TMEM67: variants seen among roughly 807,000 people sequenced by gnomAD.
TMEM67 encodes transmembrane protein 67.
In TMEM67, 124 loss-of-function variants were observed where a neutral mutation model predicts 136.6. The ratio of observed to expected loss-of-function variants is 0.91; its 90% CI spans 0.78 to 1.05. The LOEUF is 1.05. TMEM67 is among the 50% of genes least tolerant of loss of function. The pLI is 0.00. For missense variants in TMEM67, 1,107 were observed against 1,178.4 expected, an observed-to-expected ratio of 0.94 and a Z score of 0.89; for synonymous variants, 364 against 390.5, an observed-to-expected ratio of 0.93 and a Z score of 0.80.
At chr8:93,779,078 TGTC>T (rs1385918821) in intron 7 of TMEM67, among the ~76,000 whole-genome samples, 8 of 152,228 alleles carry the variant, frequency 5.3e-5, no homozygotes, top group African/African-American at 1.9e-4. Context: ...TCTCTAACCT[TGTC>T]GTCTCGCTTT....
At chr8:93,788,709 C>T (rs1814235095) in intron 14 of TMEM67, among the ~76,000 whole-genome samples, 1 of 152,176 alleles carries the variant, frequency 6.6e-6, no homozygotes, top group South Asian at 2.1e-4. Context: ...TGATTATCAG[C>T]TTTATAACTA....
At chr8:93,774,366 C>A (rs753990713) in intron 7 of TMEM67, among the ~76,000 whole-genome samples, 1 of 152,068 alleles carries the variant, frequency 6.6e-6, no homozygotes. Flanking sequence ...TTATTTATTT[C>A]TTTTTTGTAT....
At chr8:93,827,216 C>A in the TMEM67 span, among the ~76,000 whole-genome samples, 1 of 152,116 alleles carries the variant, frequency 6.6e-6, no homozygotes. Context: ...TAAACTGAGA[C>A]AACATATACG....
At chr8:93,796,237 A>G (rs1432310216) in intron 18 of TMEM67, among the ~76,000 whole-genome samples, 1 of 152,224 alleles carries the variant, frequency 6.6e-6, no homozygotes, top group African/African-American at 2.4e-5. Context: ...ATATTTCAGT[A>G]TATAACTTTC....
At chr8:93,801,671 G>A (rs1814878068) in intron 21 of TMEM67, among the ~76,000 whole-genome samples, 1 of 152,146 alleles carries the variant, frequency 6.6e-6, no homozygotes, top group Non-Finnish European at 1.5e-5. Flanking sequence ...CAAAGTGCCA[G>A]GGTTGCACGT....
the TMEM67 span, among the ~76,000 whole-genome samples, chr8:93,824,462 C>T: frequency 6.6e-6 from 1 of 152,174 alleles, no homozygotes; most frequent in African/African-American, 2.4e-5. Flanking sequence ...GTCCTGTTCT[C>T]TAAAGAAAAT....
At chr8:93,813,804 A>G (rs1808793709) in intron 26 of TMEM67, among the ~76,000 whole-genome samples, 1 of 152,226 alleles carries the variant, frequency 6.6e-6, no homozygotes, top group African/African-American at 2.4e-5. Flanking sequence ...GAAGCACACA[A>G]TAAATTGAGG....
chr8:93,765,414 G>A lies in TMEM67; in HGVS notation c.515G>A (p.Arg172Gln), dbSNP rs750950408. ...VVNALGDRCV[R>Q]CEPTFVNTSR... ...TTTGTTATATTGAACAGGTGCGTCC[G>A]ATGTGAGCCAACATTTGTTAATACC... Residue 172 changes from arginine (R) to glutamine (Q), a missense_variant, in exon 5 of 28, where the codon CGA (arginine) becomes CAA (glutamine). Physicochemically the swap from Arg to Gln is conservative, Grantham distance 43. This residue lies in a region of TMEM67 where 925 missense variants were observed against 1,002.4 expected (regional missense o/e 0.92). Transcript: ENST00000453321. The A allele has an allele frequency of 3.0e-5, 48 of 1,611,146 alleles. No homozygotes were observed. Among genetic ancestry groups the A allele is most frequent in the Admixed American group, 6.7e-5 (4 of 59,980 alleles).
intron 4 of TMEM67, 73 bp from the exon 5 acceptor site, chr8:93,765,333 G>A (rs954346323): frequency 1.8e-5 from 22 of 1,244,006 alleles, no homozygotes; most frequent in African/African-American, 9.0e-5. Flanking sequence ...CCATTGTTTA[G>A]AAAGACAGCT....
At chr8:93,773,830 A>G (rs1203808509) in intron 7 of TMEM67, among the ~76,000 whole-genome samples, 5 of 152,130 alleles carry the variant, frequency 3.3e-5, no homozygotes, top group Non-Finnish European at 7.4e-5. Context: ...AGGTTTTTTA[A>G]TGTCATGCTA....
intron 3 of TMEM67, chr8:93,760,069 A>G: frequency 9.1e-7 from 1 of 1,098,436 alleles, no homozygotes; most frequent in Non-Finnish European, 1.2e-6. Flanking sequence ...GGAAGATTAA[A>G]TATTAGAAAG....
intron 6 of TMEM67, among the ~76,000 whole-genome samples, chr8:93,765,927 G>A (rs2130588535): frequency 6.6e-6 from 1 of 152,158 alleles, no homozygotes; most frequent in East Asian, 1.9e-4. Flanking sequence ...ACATTTAAGG[G>A]CACCAGAAAC....
chr8:93,818,231 A>G (rs13261756), downstream of TMEM67, among the ~76,000 whole-genome samples: 4 of 152,198 alleles, frequency 2.6e-5, no homozygotes, highest in African/African-American at 7.2e-5. Context: ...CCCAATCACT[A>G]TACTTTGACT....
intron 4 of TMEM67, among the ~76,000 whole-genome samples, chr8:93,764,702 A>G (rs1052017762): frequency 2.6e-5 from 4 of 152,154 alleles, no homozygotes; most frequent in African/African-American, 9.7e-5. Flanking sequence ...GTGTTGGATC[A>G]TCTTTTCTCT....
At chr8:93,806,738 T>A (rs1016790474) in intron 23 of TMEM67, among the ~76,000 whole-genome samples, 10 of 152,166 alleles carry the variant, frequency 6.6e-5, no homozygotes, top group Admixed American at 6.5e-4. Context: ...AGAAATTACC[T>A]TGTGATTAAA....
At chr8:93,791,148 A>C (rs1459905204) in intron 14 of TMEM67, 115 bp from the exon 15 acceptor site, 1 of 679,232 alleles carries the variant, frequency 1.5e-6, no homozygotes, top group African/African-American at 1.8e-5. Flanking sequence ...TAATATTGAT[A>C]GTTAAAAACT....
intron 13 of TMEM67, 58 bp from the exon 14 acceptor site, chr8:93,787,786 A>G: frequency 2.4e-6 from 3 of 1,271,326 alleles, no homozygotes; most frequent in Non-Finnish European, 3.5e-6. Flanking sequence ...GGTAAGTTAA[A>G]TGTATGTTTA....
rs7823783 is a variant in TMEM67 at position 93,793,892 on chromosome 8, T to G, written c.1674+596T>G. ...GTTTTTGTTTTCATTTTTGTTTTTT[T>G]TTGTTGTTGTTTTTTTGAGACGGAG... is the stretch of plus-strand genomic sequence containing the variant. On this transcript the variant is annotated intron_variant, in intron 16 of 27. Coordinates refer to ENST00000453321, the MANE Select transcript of TMEM67 (RefSeq NM_153704.6). Among the ~76,000 whole-genome samples, 574 of 152,276 alleles carry G rather than the reference T, an allele frequency of 3.8e-3. 3 individuals carry two copies. The highest frequency in any genetic ancestry group is 0.013 in the African/African-American group (559 of 41,558).
At chr8:93,767,080 G>C (rs533070167) in intron 6 of TMEM67, among the ~76,000 whole-genome samples, 2 of 152,218 alleles carry the variant, frequency 1.3e-5, no homozygotes, top group South Asian at 4.2e-4. Context: ...TCATTTAATG[G>C]TCATGTCCCT....
Sources: allele counts gnomAD v4.1 joint callset (sites outside exome capture counted in the v4.1 genomes callset), GRCh38; gene constraint gnomAD v4.1.1; regional missense constraint gnomAD v4.1.1; transcripts MANE v1.5; gene names NCBI Gene and HGNC (gene_info 2026-07-23, HGNC 2026-07-21).